USP3: variants seen among roughly 807,000 people sequenced by gnomAD.
The protein encoded by USP3 is ubiquitin carboxyl-terminal hydrolase 3.
In USP3, 20 loss-of-function variants were observed where a neutral mutation model predicts 72.3. That is an observed-to-expected ratio of 0.28 (90% CI 0.19 to 0.40). The LOEUF is 0.40. USP3 is among the 10% of genes least tolerant of loss of function. The pLI is 1.00. For missense variants in USP3, 479 were observed against 633.9 expected, an observed-to-expected ratio of 0.76 and a Z score of 2.62; for synonymous variants, 222 against 225.3, an observed-to-expected ratio of 0.99 and a Z score of 0.13.
intron 3 of USP3, among the ~76,000 whole-genome samples, chr15:63,545,842 G>A (rs2066313456): frequency 6.6e-6 from 1 of 151,750 alleles, no homozygotes; most frequent in African/African-American, 2.4e-5. Flanking sequence ...ATGGTGGCAC[G>A]TGTCTGTAGT....
chr15:63,505,323 T>C (rs1293926019), intron 1 of USP3, among the ~76,000 whole-genome samples: 1 of 152,102 alleles, frequency 6.6e-6, no homozygotes, highest in South Asian at 2.1e-4. Flanking sequence ...CGCGCGGGGC[T>C]CCTCTCCTCC....
chr15:63,533,888 A>G, intron 2 of USP3: 8 of 1,200,418 alleles, frequency 6.7e-6, no homozygotes, highest in Non-Finnish European at 8.4e-6. Context: ...CTGCAGTTGA[A>G]GAGACAGATT....
intron 6 of USP3, among the ~76,000 whole-genome samples, chr15:63,559,062 C>T (rs1273721370): frequency 6.6e-6 from 1 of 152,016 alleles, no homozygotes; most frequent in Non-Finnish European, 1.5e-5. Flanking sequence ...CCATTTATGT[C>T]AGAGGTTGCA....
chr15:63,536,139 A>G (rs2066151932), intron 2 of USP3, among the ~76,000 whole-genome samples: 1 of 152,246 alleles, frequency 6.6e-6, no homozygotes, highest in African/African-American at 2.4e-5. Context: ...TTATGAACAT[A>G]ATCAACTTTT....
At chr15:63,512,960 C>T (rs771556261) in intron 1 of USP3, among the ~76,000 whole-genome samples, 1 of 151,934 alleles carries the variant, frequency 6.6e-6, no homozygotes, top group Non-Finnish European at 1.5e-5. Context: ...TTTATAAGAC[C>T]CTTTGAAGAG....
chr15:63,588,731 T>A lies in USP3; in HGVS notation c.1245T>A (p.His415Gln), dbSNP rs191796709. Residue 415 changes from histidine to glutamine, a missense_variant, in exon 13 of 15, where the codon CAT (histidine) becomes CAA (glutamine). By Grantham distance (24) the His-to-Gln change is conservative (BLOSUM62 0). Transcript: ENST00000380324. This position sits in a 1 kb window ranked among gnomAD's most constrained non-coding sequence, Gnocchi z 4.6. Reference sequence around the variant, plus strand: ...TATGCTTACATTTGAAAAGATTTCATTGGACAGCATATTTAAGAAATAAAG... The same window carrying A: ...TATGCTTACATTTGAAAAGATTTCAATGGACAGCATATTTAAGAAATAAAG... Reference protein sequence around the residue: ...KVLCLHLKRFHWTAYLRNKVD... With the variant: ...KVLCLHLKRFQWTAYLRNKVD... 6.2e-7 allele frequency: 1 copy of A among 1,614,092 alleles called. No homozygotes were observed. Among genetic ancestry groups the A allele is most frequent in the Non-Finnish European group, 8.5e-7 (1 of 1,179,932 alleles).
chr15:63,515,808 A>G (rs1382523427), intron 1 of USP3, among the ~76,000 whole-genome samples: 1 of 152,212 alleles, frequency 6.6e-6, no homozygotes, highest in Non-Finnish European at 1.5e-5. Context: ...GACAGGTAAT[A>G]GTATCAAAGG....
In USP3 at chr15:63,570,619, G is replaced by A. The variant is rs765795667; in HGVS notation, c.908+40G>A. 40 of 1,572,528 alleles carry A rather than the reference G, an allele frequency of 2.5e-5. No individual in the cohort carries two copies. In the South Asian group the frequency reaches 3.9e-4, roughly 15 times the overall value. ...CCTTCTGTTTTTTAGGAGGGCCTCA[G>A]ACATTTCTTTTGGTGTTAATTATGT... On this transcript the variant is annotated intron_variant, in intron 9 of 14. Coordinates refer to ENST00000380324, the MANE Select transcript of USP3 (RefSeq NM_006537.4). The surrounding 1 kb of genome is among the most constrained non-coding windows in gnomAD (Gnocchi z 4.4).
chr15:63,535,663 A>G (rs897803931), intron 2 of USP3, among the ~76,000 whole-genome samples: 1 of 152,196 alleles, frequency 6.6e-6, no homozygotes, highest in African/African-American at 2.4e-5. Flanking sequence ...AGTACAGGGA[A>G]AAAATGGAGA....
intron 9 of USP3, among the ~76,000 whole-genome samples, chr15:63,572,995 T>C (rs943177521): frequency 2.0e-5 from 3 of 152,158 alleles, no homozygotes; most frequent in African/African-American, 7.2e-5. Context: ...AAGAATGTGC[T>C]TGGAATGGAG....
chr15:63,577,482 C>T (rs1369674644), intron 11 of USP3, among the ~76,000 whole-genome samples: 5 of 152,082 alleles, frequency 3.3e-5, no homozygotes, highest in African/African-American at 7.2e-5. Context: ...GAAGGCCGGG[C>T]GTGGTGGCTC....
At chr15:63,532,901 ACT>A (rs1323641849) in intron 2 of USP3, among the ~76,000 whole-genome samples, 194 bp downstream of exon 2, 4 of 151,788 alleles carry the variant, frequency 2.6e-5, no homozygotes, top group Non-Finnish European at 5.9e-5. Flanking sequence ...GGGGAGAAAA[ACT>A]CTTCGTATTG....
chr15:63,521,975 T>G (rs529699058), intron 1 of USP3, among the ~76,000 whole-genome samples: 14 of 152,196 alleles, frequency 9.2e-5, no homozygotes, highest in Non-Finnish European at 2.1e-4. Flanking sequence ...AAAATCTTGC[T>G]TTGTTGCCCA....
At chr15:63,575,359 T>A (rs917561164) in intron 11 of USP3, among the ~76,000 whole-genome samples, 1 of 152,150 alleles carries the variant, frequency 6.6e-6, no homozygotes, top group African/African-American at 2.4e-5. Context: ...CAGATTATCC[T>A]AGTAGAAATA....
intron 1 of USP3, among the ~76,000 whole-genome samples, chr15:63,526,593 G>C (rs891754940): frequency 6.6e-6 from 1 of 152,058 alleles, no homozygotes; most frequent in Non-Finnish European, 1.5e-5. Context: ...GGTGGTTCTT[G>C]AGTTTCACTG....
intron 2 of USP3, among the ~76,000 whole-genome samples, chr15:63,536,058 A>G (rs375380776): frequency 9.8e-5 from 15 of 152,314 alleles, no homozygotes; most frequent in African/African-American, 3.6e-4. Flanking sequence ...CCATGTGCAT[A>G]TGGAGCCTTA....
chr15:63,585,819 C>A (rs1234105662), intron 11 of USP3, among the ~76,000 whole-genome samples: 5 of 99,124 alleles, frequency 5.0e-5, no homozygotes, highest in Non-Finnish European at 1.0e-4. Context: ...TTTTTTTTGG[C>A]ATGTGAATGT....
At chr15:63,531,757 T>C (rs1043170881) in intron 1 of USP3, among the ~76,000 whole-genome samples, 5 of 152,176 alleles carry the variant, frequency 3.3e-5, no homozygotes, top group Admixed American at 2.6e-4. Context: ...ACTATGATCC[T>C]GTGTGGTTGT....
At chr15:63,584,207 C>G (rs1338150514) in intron 11 of USP3, among the ~76,000 whole-genome samples, 2 of 150,924 alleles carry the variant, frequency 1.3e-5, no homozygotes, top group Non-Finnish European at 2.9e-5. Context: ...ACGCCATTCT[C>G]CTGCCTCAGC....
Sources: gnomAD v4.1 joint callset for allele counts (sites outside exome capture counted in the v4.1 genomes callset) on GRCh38, gnomAD v4.1.1 for gene constraint, Gnocchi (gnomAD v3.1) non-coding constraint, MANE v1.5 for transcripts, NCBI Gene and HGNC (gene_info 2026-07-23, HGNC 2026-07-21) for gene names.